PDGFC: variants seen among roughly 807,000 people sequenced by gnomAD.
PDGFC encodes the protein platelet-derived growth factor C.
In PDGFC, 12 loss-of-function variants were observed where a neutral mutation model predicts 35.5. That is an observed-to-expected ratio of 0.34 (90% confidence interval 0.22 to 0.55). PDGFC has a LOEUF of 0.55. Ranked by LOEUF, PDGFC falls within the 20% of genes least tolerant of loss-of-function variation. The pLI, the probability that PDGFC is intolerant of heterozygous loss-of-function variation, is 0.91. For missense variants in PDGFC, 322 were observed against 412.4 expected, an observed-to-expected ratio of 0.78 and a Z score of 1.90; for synonymous variants, 159 against 148.8, an observed-to-expected ratio of 1.07 and a Z score of -0.50.
chr4:156,788,150 G>A (rs1338053683), intron 3 of PDGFC, among the ~76,000 whole-genome samples: 1 of 151,976 alleles, frequency 6.6e-6, no homozygotes, highest in Non-Finnish European at 1.5e-5. Flanking sequence ...CAATAATCTC[G>A]GACAAGGAGT....
At chr4:156,896,214 T>C (rs1322746044) in intron 1 of PDGFC, among the ~76,000 whole-genome samples, 1 of 152,182 alleles carries the variant, frequency 6.6e-6, no homozygotes, top group African/African-American at 2.4e-5. Context: ...AAATTAATAA[T>C]TATAATGCCT....
At chr4:156,794,799 A>G (rs10857297) in intron 3 of PDGFC, among the ~76,000 whole-genome samples, 69,638 of 151,900 alleles carry the variant, frequency 0.46, 18,878 homozygotes, top group African/African-American at 0.76. Context: ...TATATTAAAT[A>G]TCAACATTTT....
At chr4:156,871,322 T>A (rs112262201) in intron 1 of PDGFC, among the ~76,000 whole-genome samples, 1,752 of 147,004 alleles carry the variant, frequency 0.012, 32 homozygotes, top group African/African-American at 0.044. Context: ...TTTCCCCCCC[T>A]GGCAAAGACT....
intron 2 of PDGFC, among the ~76,000 whole-genome samples, chr4:156,838,942 C>T (rs1729132605): frequency 6.6e-6 from 1 of 152,090 alleles, no homozygotes; most frequent in Admixed American, 6.5e-5. Context: ...ACCAGGGGGC[C>T]AATGCTAGTA....
chr4:156,933,484 G>C (rs1271352690), intron 1 of PDGFC, among the ~76,000 whole-genome samples: 3 of 152,142 alleles, frequency 2.0e-5, no homozygotes, highest in Non-Finnish European at 4.4e-5. Flanking sequence ...CTCCCAAACT[G>C]TAAACAAGCA....
chr4:156,931,271 T>C (rs1414258463), intron 1 of PDGFC, among the ~76,000 whole-genome samples: 1 of 152,186 alleles, frequency 6.6e-6, no homozygotes, highest in Non-Finnish European at 1.5e-5. Flanking sequence ...CGAAGGCTAA[T>C]GTAGAGTTTC....
intron 1 of PDGFC, among the ~76,000 whole-genome samples, chr4:156,905,348 A>G (rs953695269): frequency 6.6e-6 from 1 of 152,138 alleles, no homozygotes; most frequent in Non-Finnish European, 1.5e-5. Flanking sequence ...CAATTCTCAA[A>G]AAAAGCCTCA....
intron 1 of PDGFC, among the ~76,000 whole-genome samples, chr4:156,953,101 T>G (rs1402160210): frequency 6.6e-6 from 1 of 152,116 alleles, no homozygotes; most frequent in East Asian, 1.9e-4. Context: ...ATATCTTGGA[T>G]TCTATCCCTT....
chr4:156,863,139 A>G (rs1387817900), intron 1 of PDGFC, among the ~76,000 whole-genome samples: 3 of 152,224 alleles, frequency 2.0e-5, no homozygotes, highest in Non-Finnish European at 4.4e-5. Flanking sequence ...TTGTCACAAT[A>G]AATAAGGGTC....
intron 2 of PDGFC, among the ~76,000 whole-genome samples, chr4:156,839,872 CT>C (rs1455729266): frequency 1.3e-5 from 2 of 152,148 alleles, no homozygotes; most frequent in Non-Finnish European, 2.9e-5. Flanking sequence ...AAAGGTCACT[CT>C]TGCTATACTT....
chr4:156,810,739 T>C, intron 3 of PDGFC, 98 bp downstream of exon 3: 1 of 786,268 alleles, frequency 1.3e-6, no homozygotes, highest in Non-Finnish European at 2.1e-6. Flanking sequence ...AGGTTTGTTT[T>C]CTGATTTTTT....
chr4:156,850,462 A>G (rs1449370982), intron 1 of PDGFC, 46 bp from the exon 2 acceptor site: 3 of 1,111,996 alleles, frequency 2.7e-6, no homozygotes, highest in Non-Finnish European at 3.8e-6. Context: ...GATTTCAAAA[A>G]TTATAGGTAT....
chr4:156,781,119 CA>C (rs754874657), intron 3 of PDGFC, among the ~76,000 whole-genome samples: 3 of 152,140 alleles, frequency 2.0e-5, no homozygotes, highest in Admixed American at 6.6e-5. Flanking sequence ...TATTTCTTAT[CA>C]ACACATTATT....
At chr4:156,817,920 G>A (rs113274170) in intron 2 of PDGFC, among the ~76,000 whole-genome samples, 22,610 of 151,118 alleles carry the variant, frequency 0.15, 1,756 homozygotes, top group South Asian at 0.25. Flanking sequence ...TTAGCCTGGC[G>A]TGGTGGCGGA....
intron 3 of PDGFC, among the ~76,000 whole-genome samples, chr4:156,797,512 G>A (rs939799560): frequency 6.6e-6 from 1 of 152,150 alleles, no homozygotes; most frequent in Non-Finnish European, 1.5e-5. Context: ...AAAGTTCCAG[G>A]GATGTCAAAT....
At chr4:156,875,599 A>G (rs1435118088) in intron 1 of PDGFC, among the ~76,000 whole-genome samples, 1 of 152,206 alleles carries the variant, frequency 6.6e-6, no homozygotes, top group Non-Finnish European at 1.5e-5. Flanking sequence ...GTCCCGACAT[A>G]TCGGAAAGAA....
intron 1 of PDGFC, among the ~76,000 whole-genome samples, chr4:156,892,939 G>A (rs1730548270): frequency 6.6e-6 from 1 of 152,112 alleles, no homozygotes; most frequent in Admixed American, 6.6e-5. Context: ...GTGCACTGGA[G>A]TGAAACTATG....
intron 1 of PDGFC, among the ~76,000 whole-genome samples, chr4:156,950,312 G>A (rs1269302653): frequency 6.6e-6 from 1 of 151,896 alleles, no homozygotes; most frequent in African/African-American, 2.4e-5. Context: ...GACTGTATAT[G>A]CAGACTTAAC....
At chr4:156,959,683 T>C (rs1174171809) in intron 1 of PDGFC, among the ~76,000 whole-genome samples, 2 of 152,010 alleles carry the variant, frequency 1.3e-5, no homozygotes, top group Non-Finnish European at 2.9e-5. Context: ...ATTTTTCCAT[T>C]TTTCCAAGTA....
Sources: allele counts gnomAD v4.1 joint callset (sites outside exome capture counted in the v4.1 genomes callset), GRCh38; gene constraint gnomAD v4.1.1; transcripts MANE v1.5; gene names NCBI Gene and HGNC (gene_info 2026-07-23, HGNC 2026-07-21).